RELB: variants seen among roughly 807,000 people sequenced by gnomAD.
The protein encoded by RELB is RELB proto-oncogene, NF-kB subunit, also known as transcription factor RelB.
In RELB, 14 loss-of-function variants were observed where a neutral mutation model predicts 55.4. That is an observed-to-expected ratio of 0.25 (90% CI 0.17 to 0.40). RELB has a LOEUF of 0.40. Among genes scored for constraint, RELB ranks in the 10% least tolerant of loss-of-function variants. The pLI is 1.00. For missense variants in RELB, 669 were observed against 830.7 expected (o/e 0.81, Z 2.39); for synonymous variants, 409 against 371.3 (o/e 1.10, Z -1.17).
Position 45,037,576 on chromosome 19 carries a change from C to T in RELB, c.1526C>T (p.Pro509Leu), listed in dbSNP as rs776495576. Residue 509 changes from proline to leucine, a missense_variant, in exon 12 of 12, where the codon CCG becomes CTG. Pro to Leu is a moderately conservative substitution (Grantham distance 98). This residue lies in a region of RELB where 341 missense variants were observed against 436.8 expected (regional missense o/e 0.78). Coordinates refer to ENST00000221452, the MANE Select transcript of RELB (RefSeq NM_006509.4). ...ATGCTGGACCTGCTGCCCCCGGCAC[C>T]GCCACACGCTAGCGCTGTTGTGTGC... ...FTMLDLLPPA[P>L]PHASAVVCSG... 23 of 1,612,390 alleles carry T rather than the reference C, an allele frequency of 1.4e-5. No homozygotes were observed. The highest frequency in any genetic ancestry group is 8.9e-5 in the East Asian group (4 of 44,780).
In RELB at chr19:45,016,850, A is replaced by AAAAC. The variant is rs146566695; in HGVS notation, c.504+4598_504+4601dup. Among the ~76,000 whole-genome samples, 1,571 of 151,962 alleles carry AAAAC rather than the reference A, an allele frequency of 0.01. 48 individuals are homozygous for AAAAC. The East Asian group carries it at 0.11, about 11-fold the overall frequency. Reference sequence around the variant, plus strand: ...CCAGCCTGTGCGAGATCCTGTCTTAAAAACAAACAAACAAACAAACAAACA... The same window carrying AAAAC: ...CCAGCCTGTGCGAGATCCTGTCTTAAAAACAAACAAACAAACAAACAAACAAACA... On this transcript the variant is annotated intron_variant, in intron 4 of 11. Coordinates refer to ENST00000221452, the MANE Select transcript of RELB (RefSeq NM_006509.4).
chr19:45,020,213 T>TTC lies in RELB; in HGVS notation c.505-1828_505-1827dup, dbSNP rs763876860. Among the ~76,000 whole-genome samples the TTC allele has an allele frequency of 1.9e-3, 289 of 151,880 alleles. 1 individual carries two copies. Among genetic ancestry groups the TTC allele is most frequent in the Non-Finnish European group, 2.7e-3 (183 of 67,942 alleles). On this transcript the variant is annotated intron_variant, in intron 4 of 11. Coordinates refer to ENST00000221452, the MANE Select transcript of RELB (RefSeq NM_006509.4). ...GGTCACAATACATGATTTATTCTCT[T>TTC]TCTCTCTCTCTCTTTTTTTTTTTTT...
At chr19:45,014,258 C>T (rs1971396213) in intron 4 of RELB, among the ~76,000 whole-genome samples, 1 of 151,542 alleles carries the variant, frequency 6.6e-6, no homozygotes, top group African/African-American at 2.4e-5. Context: ...CAGCCTCCAC[C>T]TCCCAGGCTC....
In RELB at chr19:45,032,643, G is replaced by C; in HGVS notation, c.1101G>C (p.Glu367Asp). The C allele has an allele frequency of 6.2e-7, 1 of 1,612,986 alleles. No homozygotes were observed. The highest frequency in any genetic ancestry group is 8.5e-7 in the Non-Finnish European group (1 of 1,179,556). ...TTGTGTTCAAGACGCCGCCCTACGA[G>C]GACCTGGAGATTGTCGAGCCCGTGA... is the stretch of plus-strand genomic sequence containing the variant. ...IAIVFKTPPY[E>D]DLEIVEPVTV... The change falls in exon 9 of 12, where the codon GAG (glutamate) becomes GAC (aspartate). Residue 367 changes from glutamate (E) to aspartate (D), a missense_variant. By Grantham distance (45) the Glu-to-Asp change is conservative. Around this residue, in one of 3 missense-constraint regions of RELB, gnomAD observed 341 missense variants for 436.8 expected, o/e 0.78. Coordinates refer to ENST00000221452, the MANE Select transcript of RELB (RefSeq NM_006509.4).
At chr19:45,013,445 T>C (rs34962975) in intron 4 of RELB, among the ~76,000 whole-genome samples, 2,131 of 145,522 alleles carry the variant, frequency 0.015, 69 homozygotes, top group African/African-American at 0.055. Context: ...CTGGCCTCTT[T>C]GGTGTCTGTT....
chr19:45,008,803 T>C, intron 2 of RELB: 1 of 305,442 alleles, frequency 3.3e-6, no homozygotes. Context: ...CTTCCGTTGC[T>C]GTGTGATTCT....
chr19:45,020,837 G>A lies in RELB; in HGVS notation c.505-1216G>A, dbSNP rs558152591. ...CTCCCAAAGTGCTGGGATTACAGGCGTGAGCCACCGCACCCGGCCATGGCA... is the reference window on the plus strand; with the variant it reads ...CTCCCAAAGTGCTGGGATTACAGGCATGAGCCACCGCACCCGGCCATGGCA... On this transcript the variant is annotated intron_variant, in intron 4 of 11. Coordinates refer to ENST00000221452, the MANE Select transcript of RELB (RefSeq NM_006509.4). Among the ~76,000 whole-genome samples the A allele has an allele frequency of 3.9e-5, 6 of 152,124 alleles. No homozygotes were observed. The East Asian group carries it at 7.8e-4, about 20-fold the overall frequency.
intron 2 of RELB, among the ~76,000 whole-genome samples, chr19:45,009,277 C>T (rs534732704): frequency 5.3e-5 from 8 of 152,216 alleles, no homozygotes; most frequent in Admixed American, 5.2e-4. Flanking sequence ...GACGGGGTTT[C>T]GCCATGTTGG....
intron 4 of RELB, among the ~76,000 whole-genome samples, chr19:45,018,674 A>T (rs4803787): frequency 0.9 from 134,597 of 149,062 alleles, 60,455 homozygotes; most frequent in East Asian, 0.99. Flanking sequence ...TTATTTATTT[A>T]TTTTTTTTTA....
chr19:45,036,785 C>A lies in RELB; in HGVS notation c.1355-620C>A, dbSNP rs977778481. Among the ~76,000 whole-genome samples the A allele has an allele frequency of 5.3e-5, 8 of 152,284 alleles. No homozygotes were observed. In the East Asian group the frequency reaches 1.5e-3, roughly 29 times the overall value. ...CAGCCTCAAACTGGGCTCAAGCAAT[C>A]CTCCTGCCTCAGACTGCCAGGTAGC... On this transcript the variant is annotated intron_variant, in intron 11 of 11. Coordinates refer to ENST00000221452, the MANE Select transcript of RELB (RefSeq NM_006509.4).
At chr19:45,026,263 C>T (rs1162419237) in intron 7 of RELB, among the ~76,000 whole-genome samples, 1 of 151,430 alleles carries the variant, frequency 6.6e-6, no homozygotes, top group Non-Finnish European at 1.5e-5. Flanking sequence ...ATTAGTTGGG[C>T]ATGGTGACAT....
chr19:45,027,160 G>T (rs543230004), intron 7 of RELB, among the ~76,000 whole-genome samples: 1 of 151,178 alleles, frequency 6.6e-6, no homozygotes, highest in African/African-American at 2.4e-5. Flanking sequence ...GTGAACCCTG[G>T]AGGCGGAGCT....
chr19:45,012,928 A>G (rs1286083569), intron 4 of RELB, among the ~76,000 whole-genome samples: 1 of 151,728 alleles, frequency 6.6e-6, no homozygotes, highest in African/African-American at 2.4e-5. Flanking sequence ...ACATGGCTGT[A>G]GTCCTAGCTA....
At chr19:45,008,181 A>T (rs1041086801) in intron 2 of RELB, among the ~76,000 whole-genome samples, 4 of 151,732 alleles carry the variant, frequency 2.6e-5, no homozygotes, top group African/African-American at 9.7e-5. Context: ...AAAAAATAAA[A>T]ATAAATAAAA....
chr19:45,022,020 T>C (rs776224242), intron 4 of RELB, 33 bp from the exon 5 acceptor site: 6 of 1,581,376 alleles, frequency 3.8e-6, no homozygotes, highest in Non-Finnish European at 5.2e-6. Context: ...GCATCGGTGA[T>C]GGGACCCCCA....
At chr19:45,013,235 G>C (rs544659812) in intron 4 of RELB, among the ~76,000 whole-genome samples, 1 of 151,780 alleles carries the variant, frequency 6.6e-6, no homozygotes, top group Non-Finnish European at 1.5e-5. Context: ...TCCACCTCCC[G>C]GGTTCAAGCG....
chr19:45,023,434 G>T (rs200756447), intron 5 of RELB, among the ~76,000 whole-genome samples: 128 of 70,092 alleles, frequency 1.8e-3, no homozygotes, highest in Admixed American at 3.0e-3. Context: ...CCTTCCTTCC[G>T]TCCTTCTTTC....
In RELB at chr19:45,016,378, C is replaced by T. The variant is rs542417913; in HGVS notation, c.504+4102C>T. Among the ~76,000 whole-genome samples the T allele has an allele frequency of 2.1e-4, 32 of 152,238 alleles. 1 individual carries two copies. The highest frequency in any genetic ancestry group is 1.6e-3 in the Admixed American group (25 of 15,270). On this transcript the variant is annotated intron_variant, in intron 4 of 11. Transcript: ENST00000221452. ...AATCACATTTATTTCAATATGTAAA[C>T]GCCCCACAGGATATATGAGGAAGGT...
At chr19:45,009,699 G>A (rs1332683989) in intron 2 of RELB, 115 bp from the exon 3 acceptor site, 1 of 1,230,760 alleles carries the variant, frequency 8.1e-7, no homozygotes, top group Non-Finnish European at 1.2e-6. Flanking sequence ...CCAGGACGGA[G>A]GAAGACGGAA....
Sources: allele counts gnomAD v4.1 joint callset (sites outside exome capture counted in the v4.1 genomes callset), GRCh38; gene constraint gnomAD v4.1.1; regional missense constraint gnomAD v4.1.1; transcripts MANE v1.5; gene names NCBI Gene and HGNC (gene_info 2026-07-23, HGNC 2026-07-21).